The following RANBP17 variants were observed in gnomAD, a reference collection of about 807,000 sequenced individuals.
RANBP17 encodes ran-binding protein 17.
A neutral mutation model predicts 141.2 loss-of-function variants in RANBP17; 158 were observed. The ratio of observed to expected loss-of-function variants is 1.12; its 90% CI spans 0.98 to 1.28. The LOEUF is 1.28. Ranked by LOEUF, RANBP17 falls within the 50% of genes most tolerant of loss-of-function variation. The pLI is 0.00. For missense variants in RANBP17, 1,438 were observed against 1,290.7 expected (o/e 1.11, Z -1.75); for synonymous variants, 430 against 450.0 (o/e 0.96, Z 0.56).
At chr5:171,251,943 T>G in intron 24 of RANBP17, 1 of 1,608,834 alleles carries the variant, frequency 6.2e-7, no homozygotes, top group East Asian at 2.2e-5. Context: ...TAGTCAGTTT[T>G]GGGAATACCT....
chr5:170,935,373 G>A (rs1328834842), intron 12 of RANBP17, among the ~76,000 whole-genome samples: 1 of 152,234 alleles, frequency 6.6e-6, no homozygotes, highest in African/African-American at 2.4e-5. Context: ...TTCCTTTGGA[G>A]GAGAAGAGAC....
At chr5:171,096,873 T>C (rs1786734534) in intron 14 of RANBP17, among the ~76,000 whole-genome samples, 1 of 152,140 alleles carries the variant, frequency 6.6e-6, no homozygotes, top group Non-Finnish European at 1.5e-5. Context: ...GAGGGATGTT[T>C]CTAAGATCTT....
intron 14 of RANBP17, among the ~76,000 whole-genome samples, chr5:170,986,578 C>G (rs1778156310): frequency 6.6e-6 from 1 of 151,394 alleles, no homozygotes; most frequent in South Asian, 2.1e-4. Context: ...ATATATATAC[C>G]TGTGATGTAC....
intron 25 of RANBP17, among the ~76,000 whole-genome samples, chr5:171,273,851 A>C (rs1767291131): frequency 6.6e-6 from 1 of 152,154 alleles, no homozygotes. Flanking sequence ...TTAGTTTTAA[A>C]AGGATGTAGT....
chr5:171,270,690 G>A (rs1176945590), intron 25 of RANBP17, among the ~76,000 whole-genome samples: 2 of 152,008 alleles, frequency 1.3e-5, no homozygotes, highest in African/African-American at 4.8e-5. Flanking sequence ...GTAATGAAAG[G>A]GTGTGTTTTA....
intron 4 of RANBP17, 27 bp from the exon 5 acceptor site, chr5:170,896,023 G>T: frequency 6.7e-7 from 1 of 1,494,396 alleles, no homozygotes; most frequent in South Asian, 1.2e-5. Flanking sequence ...TCTCCACTTA[G>T]GCTAAACTTT....
At chr5:170,951,259 C>T (rs778943810) in intron 12 of RANBP17, among the ~76,000 whole-genome samples, 2 of 151,808 alleles carry the variant, frequency 1.3e-5, no homozygotes, top group Admixed American at 1.3e-4. Context: ...GGTGAATACT[C>T]GAGGCAATAG....
At chr5:170,923,813 A>T (rs1772678283) in intron 11 of RANBP17, among the ~76,000 whole-genome samples, 1 of 152,158 alleles carries the variant, frequency 6.6e-6, no homozygotes, top group Non-Finnish European at 1.5e-5. Context: ...ATATCTACTA[A>T]TACAGGTCAT....
At chr5:171,055,174 G>A (rs979768446) in intron 14 of RANBP17, among the ~76,000 whole-genome samples, 4 of 152,168 alleles carry the variant, frequency 2.6e-5, no homozygotes, top group African/African-American at 9.7e-5. Flanking sequence ...ATATGGGGTT[G>A]CTAGCTGATT....
chr5:170,923,063 T>C (rs1377750716), intron 11 of RANBP17, among the ~76,000 whole-genome samples: 1 of 152,182 alleles, frequency 6.6e-6, no homozygotes, highest in Non-Finnish European at 1.5e-5. Context: ...TTTTTGTTGT[T>C]ATACCTATGG....
chr5:170,916,119 T>A (rs1329451185), intron 8 of RANBP17, among the ~76,000 whole-genome samples: 1 of 144,656 alleles, frequency 6.9e-6, no homozygotes, highest in Non-Finnish European at 1.5e-5. Context: ...ATATTCTATA[T>A]TGCATTATCA....
intron 12 of RANBP17, among the ~76,000 whole-genome samples, chr5:170,937,289 G>C (rs1046960053): frequency 1.3e-5 from 2 of 152,188 alleles, no homozygotes; most frequent in Non-Finnish European, 2.9e-5. Context: ...GGTCAAGTCA[G>C]ACAGGTTTCT....
chr5:170,893,118 T>G (rs1262007606), intron 4 of RANBP17, among the ~76,000 whole-genome samples: 3 of 152,096 alleles, frequency 2.0e-5, no homozygotes, highest in Non-Finnish European at 4.4e-5. Flanking sequence ...ATCAAATAGG[T>G]ACAGCTATTA....
chr5:170,955,050 C>T (rs1020357786), intron 13 of RANBP17, among the ~76,000 whole-genome samples: 1 of 152,054 alleles, frequency 6.6e-6, no homozygotes, highest in Non-Finnish European at 1.5e-5. Context: ...GTTGCATGCT[C>T]CTTACGGGAA....
chr5:171,238,679 T>C (rs1388554373), intron 22 of RANBP17, among the ~76,000 whole-genome samples: 1 of 152,210 alleles, frequency 6.6e-6, no homozygotes, highest in African/African-American at 2.4e-5. Flanking sequence ...TTGGTTTAAA[T>C]TGAATTTGAG....
intron 13 of RANBP17, among the ~76,000 whole-genome samples, chr5:170,964,492 A>T (rs1318329757): frequency 6.6e-6 from 1 of 152,012 alleles, no homozygotes; most frequent in Non-Finnish European, 1.5e-5. Context: ...GGTGTGCTGC[A>T]CCCATCAACT....
chr5:171,022,401 A>C (rs1231773004), intron 14 of RANBP17, among the ~76,000 whole-genome samples: 1 of 152,230 alleles, frequency 6.6e-6, no homozygotes, highest in Non-Finnish European at 1.5e-5. Context: ...GGAAAGGCTA[A>C]GTCTGCTGGT....
chr5:171,211,918 A>C (rs1403294346), intron 20 of RANBP17, among the ~76,000 whole-genome samples: 1 of 152,144 alleles, frequency 6.6e-6, no homozygotes, highest in Non-Finnish European at 1.5e-5. Flanking sequence ...AATAAGCTAC[A>C]CTTCATTTTT....
At chr5:170,957,072 AACACACACACACACACAC>A (rs58034888) in intron 13 of RANBP17, among the ~76,000 whole-genome samples, 1 of 142,992 alleles carries the variant, frequency 7.0e-6, no homozygotes, top group Admixed American at 7.0e-5. Context: ...TCTGTCTCAA[AACACACACACACACACAC>A]ACACACACAC....
Sources: allele counts gnomAD v4.1 joint callset (sites outside exome capture counted in the v4.1 genomes callset), GRCh38; gene constraint gnomAD v4.1.1; transcripts MANE v1.5; gene names NCBI Gene and HGNC (gene_info 2026-07-23, HGNC 2026-07-21).